The following BSPH1 variants were observed in gnomAD, a reference collection of about 807,000 sequenced individuals.
BSPH1 encodes binder of sperm 1.
Under a neutral mutation model 22.5 loss-of-function variants are expected in BSPH1, and 21 were observed. The ratio of observed to expected loss-of-function variants is 0.93; its 90% CI spans 0.66 to 1.35. BSPH1 has a LOEUF of 1.35. Ranked by LOEUF, BSPH1 falls within the 40% of genes most tolerant of loss-of-function variation. The pLI is 0.00. For synonymous variants in BSPH1, 42 were observed against 53.6 expected (o/e 0.78, Z 0.95); for missense variants, 141 against 154.2 (o/e 0.91, Z 0.45).
intron 1 of BSPH1, among the ~76,000 whole-genome samples, chr19:47,981,505 C>T (rs1482576408): frequency 6.6e-6 from 1 of 152,184 alleles, no homozygotes; most frequent in East Asian, 1.9e-4. Flanking sequence ...GGCATTGTTT[C>T]CATCATCTTA....
rs1568396657 is a variant in BSPH1 at position 47,977,491 on chromosome 19, G to A, written c.138C>T (p.Val46=). 1 of 1,551,590 alleles carries A rather than the reference G, an allele frequency of 6.4e-7. No homozygotes were observed. Among genetic ancestry groups the A allele is most frequent in the South Asian group, 1.2e-5 (1 of 84,034 alleles). Residue 46 remains valine, a synonymous_variant, in exon 4 of 6, where the codon GTC becomes GTT. Coordinates refer to ENST00000344839, the MANE Select transcript of BSPH1 (RefSeq NM_001128326.2). ...HFPEVTDGEC[V]FPFHYKNGTY... ...TTCCATTTTTATAGTGGAATGGAAAGACACACTCCCCATCTAGAGAAAACA... is the reference window on the plus strand; with the variant it reads ...TTCCATTTTTATAGTGGAATGGAAAAACACACTCCCCATCTAGAGAAAACA...
intron 3 of BSPH1, among the ~76,000 whole-genome samples, chr19:47,978,796 C>T (rs1297241903): frequency 2.6e-5 from 4 of 152,140 alleles, no homozygotes; most frequent in Non-Finnish European, 5.9e-5. Context: ...TTTCCATTTT[C>T]TTCTTAAATT....
intron 3 of BSPH1, among the ~76,000 whole-genome samples, chr19:47,978,225 C>T (rs1412793168): frequency 6.6e-6 from 1 of 151,844 alleles, no homozygotes; most frequent in Non-Finnish European, 1.5e-5. Context: ...CCACCTCAAC[C>T]TCTGGAGTAG....
In BSPH1 at chr19:47,989,772, C is replaced by T. The variant is rs73565537; in HGVS notation, c.73+2237G>A. 4.8e-3 allele frequency among the ~76,000 whole-genome samples: 726 copies of T among 152,200 alleles called. 7 individuals are homozygous for T. Among genetic ancestry groups the T allele is most frequent in the African/African-American group, 0.016 (683 of 41,530 alleles). On this transcript the variant is annotated intron_variant, in intron 1 of 5. Transcript: ENST00000344839. ...CAGCTGTTATTGTCTGTATTGAATT[C>T]GACCAGCATCAAAAACTTGCAGTTT... is the stretch of plus-strand genomic sequence containing the variant.
At chr19:47,980,980 T>TA (rs1969414771) in intron 1 of BSPH1, 39 bp from the exon 2 acceptor site, 1 of 1,185,976 alleles carries the variant, frequency 8.4e-7, no homozygotes. Context: ...TATGTCACTT[T>TA]AAAATAAAAG....
At chr19:47,972,876 C>T (rs962049905) in intron 5 of BSPH1, among the ~76,000 whole-genome samples, 2 of 150,014 alleles carry the variant, frequency 1.3e-5, no homozygotes, top group Non-Finnish European at 3.0e-5. Context: ...CACCCCCACA[C>T]GTACGTAATT....
chr19:47,975,649 A>AT (rs199878812), intron 5 of BSPH1, among the ~76,000 whole-genome samples: 3,162 of 124,422 alleles, frequency 0.025, 84 homozygotes, highest in Non-Finnish European at 0.032. Context: ...AAGGTAATGC[A>AT]TTTTTTTTTT....
intron 1 of BSPH1, among the ~76,000 whole-genome samples, chr19:47,990,105 C>G (rs1180535089): frequency 8.7e-6 from 1 of 114,806 alleles, no homozygotes; most frequent in African/African-American, 3.5e-5. Flanking sequence ...GGTGACAGAG[C>G]AAGACTCCAT....
At position 47,976,950 on chromosome 19, in the gene BSPH1, CAT is replaced by C. The variant is rs1279815348; in HGVS notation, c.257-98_257-97del. 6 of 1,164,092 alleles carry C rather than the reference CAT, an allele frequency of 5.2e-6. No homozygotes were observed. In the East Asian group the frequency reaches 1.0e-4, roughly 20 times the overall value. The allele number at this position is 1,164,092 out of a possible 1,614,324, so 72.1% of individuals were successfully genotyped here. On this transcript the variant is annotated intron_variant, in intron 4 of 5. Coordinates refer to ENST00000344839, the MANE Select transcript of BSPH1 (RefSeq NM_001128326.2). ...GCACACACATGCACACATATGCACACATGTGCATGCACGTGAACAAATGTGCA... is the reference window on the plus strand; with the variant it reads ...GCACACACATGCACACATATGCACACGTGCATGCACGTGAACAAATGTGCA...
At chr19:47,978,001 GATAT>G (rs10609973) in intron 3 of BSPH1, among the ~76,000 whole-genome samples, 3,757 of 110,432 alleles carry the variant, frequency 0.034, 149 homozygotes, top group East Asian at 0.13. Flanking sequence ...GTTAATACAG[GATAT>G]ATATATATAT....
intron 5 of BSPH1, among the ~76,000 whole-genome samples, chr19:47,968,763 C>G (rs998971944): frequency 2.7e-4 from 40 of 147,352 alleles, no homozygotes; most frequent in African/African-American, 9.0e-4. Context: ...CTTTGGGAGG[C>G]TGAGGTGGGC....
chr19:47,970,542 C>T (rs1042723826), intron 5 of BSPH1, among the ~76,000 whole-genome samples: 2 of 152,140 alleles, frequency 1.3e-5, no homozygotes, highest in African/African-American at 4.8e-5. Flanking sequence ...TGATGCGGAT[C>T]GCAAGATCCT....
intron 5 of BSPH1, among the ~76,000 whole-genome samples, chr19:47,975,374 G>C (rs1278692820): frequency 6.6e-6 from 1 of 151,988 alleles, no homozygotes; most frequent in Middle Eastern, 3.2e-3. Flanking sequence ...CTTACCGAAC[G>C]ATGCTCTGTG....
intron 1 of BSPH1, among the ~76,000 whole-genome samples, chr19:47,988,766 G>A (rs62131790): frequency 0.17 from 26,350 of 152,022 alleles, 2,542 homozygotes; most frequent in Non-Finnish European, 0.21. Context: ...CACCTGGACA[G>A]TTCTCCCCGC....
At chr19:47,982,364 G>T (rs1243709269) in intron 1 of BSPH1, among the ~76,000 whole-genome samples, 1 of 152,124 alleles carries the variant, frequency 6.6e-6, no homozygotes, top group Non-Finnish European at 1.5e-5. Flanking sequence ...TGAATTTGTT[G>T]TGTATATTTC....
At chr19:47,982,006 A>C (rs544543520) in intron 1 of BSPH1, among the ~76,000 whole-genome samples, 106 of 152,364 alleles carry the variant, frequency 7.0e-4, no homozygotes, top group Non-Finnish European at 1.2e-3. Flanking sequence ...AACAGTCATA[A>C]CTTTAGGATG....
intron 5 of BSPH1, among the ~76,000 whole-genome samples, chr19:47,975,678 C>T (rs891430679): frequency 3.1e-4 from 41 of 133,484 alleles, no homozygotes; most frequent in African/African-American, 9.4e-4. Context: ...TTTTTTGAGA[C>T]GGAGTCTCGC....
At chr19:47,970,538 G>A (rs144125612) in intron 5 of BSPH1, among the ~76,000 whole-genome samples, 12 of 152,266 alleles carry the variant, frequency 7.9e-5, no homozygotes, top group Non-Finnish European at 1.5e-4. Context: ...GACTTGATGC[G>A]GATCGCAAGA....
chr19:47,979,077 G>C (rs551438741), intron 3 of BSPH1, among the ~76,000 whole-genome samples: 1 of 152,098 alleles, frequency 6.6e-6, no homozygotes, highest in Non-Finnish European at 1.5e-5. Flanking sequence ...AGCAGGCTCT[G>C]GAGCCAGCAA....
Sources: gnomAD v4.1 joint callset for allele counts (sites outside exome capture counted in the v4.1 genomes callset) on GRCh38, gnomAD v4.1.1 for gene constraint, MANE v1.5 for transcripts, NCBI Gene and HGNC (gene_info 2026-07-23, HGNC 2026-07-21) for gene names.